Variants in CTNNA3 observed in about 807,000 individuals in gnomAD.
CTNNA3 encodes catenin alpha-3.
In CTNNA3, 76 loss-of-function variants were observed where a neutral mutation model predicts 95.7. The observed-to-expected ratio is 0.79, with a 90% CI of 0.66 to 0.96. The LOEUF (loss-of-function observed/expected upper bound fraction) is 0.96, where lower values mean the gene tolerates loss of function less well. Among genes scored for constraint, CTNNA3 ranks in the 40% least tolerant of loss-of-function variants. The pLI is 0.00. For synonymous variants in CTNNA3, 431 were observed against 374.4 expected (o/e 1.15, Z -1.74); for missense variants, 1,191 against 1,089.8 (o/e 1.09, Z -1.31).
intron 7 of CTNNA3, among the ~76,000 whole-genome samples, chr10:66,783,707 C>A (rs1202629507): frequency 6.6e-6 from 1 of 152,166 alleles, no homozygotes; most frequent in Non-Finnish European, 1.5e-5. Flanking sequence ...AATGACATAG[C>A]ATTACACACA....
At position 65,996,120 on chromosome 10, in the gene CTNNA3, G is replaced by C. The variant is rs146397918; in HGVS notation, c.2160-7323C>G. On this transcript the variant is annotated intron_variant, in intron 15 of 17. Transcript: ENST00000433211. ...TTTTCAGTGACAGCAGCCACAGCCA[G>C]TTGGCTCTCAGGCTCTTGGAAGTAT... Among the ~76,000 whole-genome samples, 517 of 152,320 alleles carry C rather than the reference G, an allele frequency of 3.4e-3. 2 individuals are homozygous for C. Among genetic ancestry groups the C allele is most frequent in the African/African-American group, 0.012 (494 of 41,564 alleles).
chr10:66,304,792 A>T (rs891110054), intron 12 of CTNNA3, among the ~76,000 whole-genome samples: 46 of 152,330 alleles, frequency 3.0e-4, no homozygotes, highest in Admixed American at 2.9e-3. Flanking sequence ...TGAGCAATAC[A>T]AATTTCAGAA....
intron 10 of CTNNA3, among the ~76,000 whole-genome samples, chr10:66,572,378 T>C (rs1842895060): frequency 1.2e-5 from 1 of 81,332 alleles, no homozygotes. Context: ...GGAGACTCTG[T>C]CTTAAAAAAA....
chr10:67,126,848 C>T (rs1250473549), intron 7 of CTNNA3, among the ~76,000 whole-genome samples: 1 of 152,178 alleles, frequency 6.6e-6, no homozygotes, highest in Non-Finnish European at 1.5e-5. Context: ...TTTAACTAGA[C>T]AGGTGTTCTG....
chr10:66,239,020 C>G (rs1022227265), intron 13 of CTNNA3, among the ~76,000 whole-genome samples: 3 of 151,458 alleles, frequency 2.0e-5, no homozygotes, highest in Admixed American at 2.0e-4. Flanking sequence ...AAATGAAATA[C>G]AGGGTTATAT....
At chr10:66,599,219 G>A (rs1439013339) in intron 10 of CTNNA3, among the ~76,000 whole-genome samples, 3 of 151,950 alleles carry the variant, frequency 2.0e-5, no homozygotes, top group Non-Finnish European at 4.4e-5. Flanking sequence ...GCAGCATCTG[G>A]CAGAAACTGA....
At position 67,509,580 on chromosome 10, in the gene CTNNA3, C is replaced by G. The variant is rs935758178; in HGVS notation, c.579+12262G>C. ...TGTATATATGCCACATTTTCTTAATCCAGTCTATCACTGATGAATATTTGG... is the reference window on the plus strand; with the variant it reads ...TGTATATATGCCACATTTTCTTAATGCAGTCTATCACTGATGAATATTTGG... On this transcript the variant is annotated intron_variant, in intron 5 of 17. Transcript: ENST00000433211. 6.6e-5 allele frequency among the ~76,000 whole-genome samples: 10 copies of G among 152,156 alleles called. No individual in the cohort carries two copies. The East Asian group carries it at 1.9e-3, about 29-fold the overall frequency.
At chr10:67,481,388 C>T (rs927388982) in intron 5 of CTNNA3, among the ~76,000 whole-genome samples, 1 of 152,156 alleles carries the variant, frequency 6.6e-6, no homozygotes, top group African/African-American at 2.4e-5. Context: ...CCTAAAGACT[C>T]TATCTAAAGG....
At chr10:66,204,250 T>C (rs982774143) in intron 13 of CTNNA3, among the ~76,000 whole-genome samples, 1 of 152,120 alleles carries the variant, frequency 6.6e-6, no homozygotes, top group Non-Finnish European at 1.5e-5. Flanking sequence ...GTTGACAATG[T>C]TACCTGGTAG....
At chr10:66,095,268 G>A (rs188011993) in intron 14 of CTNNA3, among the ~76,000 whole-genome samples, 1 of 151,982 alleles carries the variant, frequency 6.6e-6, no homozygotes, top group African/African-American at 2.4e-5. Context: ...AATAGATAGA[G>A]GAAAAGGAAA....
In CTNNA3 at chr10:67,564,880, A is replaced by C. The variant is rs1238409063; in HGVS notation, c.293-25211T>G. 2.7e-5 allele frequency among the ~76,000 whole-genome samples: 3 copies of C among 110,880 alleles called. 1 individual carries two copies. Among genetic ancestry groups the C allele is most frequent in the Admixed American group, 2.6e-4 (3 of 11,718 alleles). The allele number at this position is 110,880 out of a possible 152,430, so 72.7% of individuals were successfully genotyped here. A position where few individuals can be genotyped will look rare whatever the true frequency, so the allele number is the denominator to read the frequency against. Reference sequence around the variant, plus strand: ...TGAGAAAATACAGTATCCCATCATGATACAAACTCTCAACAAAGTGGGCAT... The same window carrying C: ...TGAGAAAATACAGTATCCCATCATGCTACAAACTCTCAACAAAGTGGGCAT... On this transcript the variant is annotated intron_variant, in intron 3 of 17. Coordinates refer to ENST00000433211, the MANE Select transcript of CTNNA3 (RefSeq NM_013266.4).
At chr10:66,704,400 T>C (rs1161453142) in intron 9 of CTNNA3, among the ~76,000 whole-genome samples, 2 of 152,158 alleles carry the variant, frequency 1.3e-5, no homozygotes, top group South Asian at 4.1e-4. Flanking sequence ...CAGGAGTTTT[T>C]AATATTTTTA....
chr10:65,970,435 T>C (rs1273970371), intron 16 of CTNNA3, among the ~76,000 whole-genome samples: 1 of 151,918 alleles, frequency 6.6e-6, no homozygotes, highest in African/African-American at 2.4e-5. Flanking sequence ...ATATTATCCT[T>C]GAATGTGAAT....
chr10:65,976,563 G>GTTA (rs1317801552), intron 16 of CTNNA3, among the ~76,000 whole-genome samples: 1 of 152,100 alleles, frequency 6.6e-6, no homozygotes, highest in Non-Finnish European at 1.5e-5. Flanking sequence ...GAATATCTTG[G>GTTA]TTATAACAGA....
rs1481503300 is a variant in CTNNA3, at chr10:67,436,354, T to G, written c.579+85488A>C. Among the ~76,000 whole-genome samples the G allele has an allele frequency of 2.0e-5, 3 of 152,254 alleles. No individual in the cohort carries two copies. The East Asian group carries it at 5.8e-4, about 29-fold the overall frequency. On this transcript the variant is annotated intron_variant, in intron 5 of 17. Transcript: ENST00000433211. Reference sequence around the variant, plus strand: ...GGATTAAGGACTTACACCTAAGACCTGAAACTATTAAAATTCTAGAAGATA... The same window carrying G: ...GGATTAAGGACTTACACCTAAGACCGGAAACTATTAAAATTCTAGAAGATA...
intron 7 of CTNNA3, among the ~76,000 whole-genome samples, chr10:66,877,500 A>T (rs1434896774): frequency 6.6e-6 from 1 of 152,068 alleles, no homozygotes; most frequent in Non-Finnish European, 1.5e-5. Flanking sequence ...CTATCTCATG[A>T]ACTGTCACCT....
intron 5 of CTNNA3, among the ~76,000 whole-genome samples, chr10:67,285,344 G>C (rs1839556478): frequency 6.6e-6 from 1 of 152,142 alleles, no homozygotes; most frequent in Admixed American, 6.5e-5. Context: ...TTTAAAATAA[G>C]GAAATAGACG....
intron 1 of CTNNA3, among the ~76,000 whole-genome samples, chr10:67,719,739 A>G (rs1293746510): frequency 6.6e-6 from 1 of 152,146 alleles, no homozygotes; most frequent in Non-Finnish European, 1.5e-5. Flanking sequence ...CAACTTTAGA[A>G]TAAGTGCTAT....
At chr10:67,725,395 TCTCGATCTCC>T (rs1367744911) in intron 1 of CTNNA3, among the ~76,000 whole-genome samples, 1 of 152,124 alleles carries the variant, frequency 6.6e-6, no homozygotes, top group East Asian at 1.9e-4. Context: ...GCCAGGATGG[TCTCGATCTCC>T]TGACCTCGTG....
Sources: gnomAD v4.1 joint callset for allele counts (sites outside exome capture counted in the v4.1 genomes callset) on GRCh38, gnomAD v4.1.1 for gene constraint, MANE v1.5 for transcripts, NCBI Gene and HGNC (gene_info 2026-07-23, HGNC 2026-07-21) for gene names.